The following ERN1 variants were observed in gnomAD, a reference collection of about 807,000 sequenced individuals.
ERN1 encodes the protein endoplasmic reticulum to nucleus signaling 1.
A neutral mutation model predicts 113.1 loss-of-function variants in ERN1; 39 were observed. The observed-to-expected ratio is 0.34, with a 90% CI of 0.27 to 0.45. The LOEUF (loss-of-function observed/expected upper bound fraction) is 0.45. Ranked by LOEUF, ERN1 falls within the 20% of genes least tolerant of loss-of-function variation. The pLI is 1.00. For missense variants in ERN1, 976 were observed against 1,274.8 expected (o/e 0.77, Z 3.57); for synonymous variants, 507 against 515.9 (o/e 0.98, Z 0.23).
chr17:64,047,911 CATGCTTCGCTGAGGG>C lies in ERN1; in HGVS notation c.2461_2475del (p.Pro821_His825del). On this transcript the variant is annotated inframe_deletion, in exon 19 of 22. Coordinates refer to ENST00000433197, the MANE Select transcript of ERN1 (RefSeq NM_001433.5). The stretch of plus-strand genomic sequence containing the variant: ...CTCCAGAAGAACGGGTGTTTGAGCA[CATGCTTCGCTGAGGG>C]GCGTTTCTGAGGATCCATCGCAATC... The C allele has an allele frequency of 6.2e-7, 1 of 1,613,394 alleles. No homozygotes were observed. Among genetic ancestry groups the C allele is most frequent in the Non-Finnish European group, 8.5e-7 (1 of 1,179,446 alleles).
intron 7 of ERN1, among the ~76,000 whole-genome samples, chr17:64,067,640 T>G (rs1598056565): frequency 6.7e-6 from 1 of 150,052 alleles, no homozygotes; most frequent in Admixed American, 6.6e-5. Flanking sequence ...ACCCTGAAAG[T>G]CAGACCTGAA....
chr17:64,053,163 G>T, intron 16 of ERN1, 109 bp downstream of exon 16: 1 of 981,270 alleles, frequency 1.0e-6, no homozygotes, highest in Non-Finnish European at 1.5e-6. Context: ...TGGTGATATA[G>T]CCAAGAGCTT....
intron 4 of ERN1, among the ~76,000 whole-genome samples, 196 bp from the exon 5 acceptor site, chr17:64,075,443 A>AT (rs542481203): frequency 5.7e-4 from 87 of 151,918 alleles, no homozygotes; most frequent in Admixed American, 1.2e-3. Flanking sequence ...TTTTATTTTC[A>AT]TTTTTTTGAG....
At chr17:64,066,258 T>C (rs1003079515) in intron 8 of ERN1, among the ~76,000 whole-genome samples, 3 of 152,158 alleles carry the variant, frequency 2.0e-5, no homozygotes, top group Non-Finnish European at 4.4e-5. Flanking sequence ...CCACCTAAGA[T>C]AGATCCAAAC....
intron 6 of ERN1, 124 bp downstream of exon 6, chr17:64,071,857 G>T: frequency 1.0e-6 from 1 of 1,004,138 alleles, no homozygotes; most frequent in Non-Finnish European, 1.5e-6. Flanking sequence ...AAAGGAAAAT[G>T]ACATGATGGG....
chr17:64,050,153 G>A (rs1171059147), intron 17 of ERN1, among the ~76,000 whole-genome samples: 1 of 152,154 alleles, frequency 6.6e-6, no homozygotes, highest in Non-Finnish European at 1.5e-5. Flanking sequence ...ATGGGACTCA[G>A]GTCTTCCAAT....
intron 2 of ERN1, among the ~76,000 whole-genome samples, chr17:64,091,421 C>A (rs1455409576): frequency 4.6e-5 from 7 of 152,192 alleles, no homozygotes; most frequent in Admixed American, 4.6e-4. Flanking sequence ...CATCAAGTGC[C>A]TTGGACATTT....
At chr17:64,048,507 A>G (rs1912583295) in intron 18 of ERN1, among the ~76,000 whole-genome samples, 1 of 152,214 alleles carries the variant, frequency 6.6e-6, no homozygotes, top group African/African-American at 2.4e-5. Context: ...AGCATAAACA[A>G]AACAATAATT....
At chr17:64,120,593 T>A (rs1914930408) in intron 1 of ERN1, among the ~76,000 whole-genome samples, 1 of 152,182 alleles carries the variant, frequency 6.6e-6, no homozygotes, top group African/African-American at 2.4e-5. Context: ...CAAGGTTCAT[T>A]TTTTTAACAG....
intron 10 of ERN1, among the ~76,000 whole-genome samples, chr17:64,062,341 C>G (rs1047941760): frequency 6.6e-6 from 1 of 152,250 alleles, no homozygotes; most frequent in East Asian, 1.9e-4. Context: ...ATCTTTAATG[C>G]TTTCCACAAA....
intron 10 of ERN1, among the ~76,000 whole-genome samples, chr17:64,062,784 G>C (rs1023327831): frequency 6.6e-6 from 1 of 151,884 alleles, no homozygotes; most frequent in Non-Finnish European, 1.5e-5. Context: ...ATTCATACAT[G>C]CTCCTCCAAC....
At chr17:64,071,436 G>A (rs752392361) in intron 6 of ERN1, among the ~76,000 whole-genome samples, 2 of 151,786 alleles carry the variant, frequency 1.3e-5, no homozygotes, top group African/African-American at 4.8e-5. Context: ...TTTTGGGCAG[G>A]GGGGATGGAG....
chr17:64,101,836 T>C (rs1459351738), intron 1 of ERN1, among the ~76,000 whole-genome samples: 1 of 152,156 alleles, frequency 6.6e-6, no homozygotes, highest in Non-Finnish European at 1.5e-5. Flanking sequence ...AGTATTAATA[T>C]TAAAAAGGGT....
chr17:64,039,465 A>C lies in ERN1; in HGVS notation c.*4523T>G, dbSNP rs1197561546. 6.6e-6 allele frequency: 1 copy of C among 152,188 alleles called. No homozygotes were observed. The highest frequency in any genetic ancestry group is 2.4e-5 in the African/African-American group (1 of 41,444). 9.4% of individuals were successfully genotyped at this position (152,188 alleles called of 1,614,324 possible). ...ACCTAAAAATTAACATTTTACCCCGACCAAATTAATCACCCTTTAATAATA... is the reference window on the plus strand; with the variant it reads ...ACCTAAAAATTAACATTTTACCCCGCCCAAATTAATCACCCTTTAATAATA... On this transcript the variant is annotated 3_prime_UTR_variant, in exon 22 of 22. Coordinates refer to ENST00000433197, the MANE Select transcript of ERN1 (RefSeq NM_001433.5).
At chr17:64,108,220 G>C (rs1914581489) in intron 1 of ERN1, among the ~76,000 whole-genome samples, 1 of 150,220 alleles carries the variant, frequency 6.7e-6, no homozygotes, top group African/African-American at 2.5e-5. Context: ...AAAAAAAAAA[G>C]TACCTCATAA....
At chr17:64,107,344 A>G (rs1914556399) in intron 1 of ERN1, among the ~76,000 whole-genome samples, 1 of 152,210 alleles carries the variant, frequency 6.6e-6, no homozygotes, top group African/African-American at 2.4e-5. Context: ...TCTTTGAGAC[A>G]GGGTCTTGCT....
At position 64,040,392 on chromosome 17, in the gene ERN1, C is replaced by CCTT. The variant is rs1483964327; in HGVS notation, c.*3595_*3596insAAG. The CCTT allele has an allele frequency of 6.6e-6, 1 of 152,302 alleles. No individual in the cohort carries two copies. The highest frequency in any genetic ancestry group is 2.4e-5 in the African/African-American group (1 of 41,436). 9.4% of individuals were successfully genotyped at this position (152,302 alleles called of 1,614,324 possible). A position where few individuals can be genotyped will look rare whatever the true frequency, so the allele number is the denominator to read the frequency against. On this transcript the variant is annotated 3_prime_UTR_variant, in exon 22 of 22. Transcript: ENST00000433197. The stretch of plus-strand genomic sequence containing the variant: ...CGGCTCTGGGAAAGCCAAACCTGGC[C>CCTT]AAAGTCCAACTTCCTGAAAAGAAAG...
At chr17:64,090,631 A>G (rs955227590) in intron 2 of ERN1, among the ~76,000 whole-genome samples, 4 of 152,218 alleles carry the variant, frequency 2.6e-5, no homozygotes, top group Non-Finnish European at 4.4e-5. Context: ...TCACAACCAT[A>G]TTCCAACACA....
rs1338930781 is a variant in ERN1 at position 64,063,966 on chromosome 17, T to C, written c.1087+20A>G. ...GCAGCACGCTGTCACCTCAGGCTAC[T>C]GTGGGAGACCTGCTCTTACCTATCA... On this transcript the variant is annotated intron_variant, in intron 10 of 21. Transcript: ENST00000433197. The surrounding 1 kb of genome is among the most constrained non-coding windows in gnomAD (Gnocchi z 5.1). The C allele has an allele frequency of 6.2e-7, 1 of 1,612,362 alleles. No homozygotes were observed. Among genetic ancestry groups the C allele is most frequent in the Admixed American group, 1.7e-5 (1 of 59,944 alleles).
Sources: allele counts gnomAD v4.1 joint callset (sites outside exome capture counted in the v4.1 genomes callset), GRCh38; gene constraint gnomAD v4.1.1; non-coding constraint Gnocchi (gnomAD v3.1); transcripts MANE v1.5; gene names NCBI Gene and HGNC (gene_info 2026-07-23, HGNC 2026-07-21).